Variants in COL21A1 observed in about 807,000 individuals in gnomAD.
The protein encoded by COL21A1 is collagen alpha-1(XXI) chain.
In COL21A1, 149 loss-of-function variants were observed where a neutral mutation model predicts 137.9. The observed-to-expected ratio is 1.08, with a 90% CI of 0.95 to 1.24. COL21A1 has a LOEUF of 1.24. Ranked by LOEUF, COL21A1 falls within the 50% of genes most tolerant of loss-of-function variation. COL21A1 has a pLI of 0.00. For synonymous variants in COL21A1, 456 were observed against 391.5 expected (o/e 1.16, Z -1.95); for missense variants, 1,167 against 1,158.4 (o/e 1.01, Z -0.11).
rs1763726744 is a variant in COL21A1 at position 56,278,744 on chromosome 6, C to T, written c.-38-96088G>A. 3.9e-5 allele frequency among the ~76,000 whole-genome samples: 6 copies of T among 152,260 alleles called. No individual in the cohort carries two copies. In the South Asian group the frequency reaches 1.2e-3, roughly 32 times the overall value. ...TGGCAGCAATTTCCCCATGTCACAC[C>T]GATTGGTGGTGAATGATTGAACCTG... On this transcript the variant is annotated intron_variant, in intron 1 of 28. Transcript: ENST00000370819.
chr6:56,064,999 T>C (rs1766117082), intron 23 of COL21A1, among the ~76,000 whole-genome samples: 1 of 152,008 alleles, frequency 6.6e-6, no homozygotes. Context: ...ACTATGGACA[T>C]GTGAGGACAA....
intron 1 of COL21A1, among the ~76,000 whole-genome samples, chr6:56,278,986 T>C (rs557482686): frequency 6.6e-6 from 1 of 152,304 alleles, no homozygotes; most frequent in South Asian, 2.1e-4. Context: ...TTGTGATATG[T>C]TTGGATCTGT....
intron 17 of COL21A1, among the ~76,000 whole-genome samples, chr6:56,084,707 A>G (rs754213324): frequency 7.2e-5 from 11 of 152,100 alleles, no homozygotes; most frequent in Non-Finnish European, 1.3e-4. Flanking sequence ...TCTAAGAGTT[A>G]TTTTCCTCAC....
chr6:56,190,031 A>C (rs575947723), intron 1 of COL21A1, among the ~76,000 whole-genome samples: 7 of 152,348 alleles, frequency 4.6e-5, no homozygotes, highest in East Asian at 3.9e-4. Context: ...AATTGTAAAG[A>C]CCATCGACAC....
chr6:56,146,077 A>C (rs551532112), intron 10 of COL21A1, among the ~76,000 whole-genome samples: 1 of 152,178 alleles, frequency 6.6e-6, no homozygotes, highest in African/African-American at 2.4e-5. Flanking sequence ...ATATTCTGCC[A>C]ATCTAAATAT....
chr6:56,225,367 A>G (rs1781121197), intron 1 of COL21A1, among the ~76,000 whole-genome samples: 1 of 152,048 alleles, frequency 6.6e-6, no homozygotes, highest in Admixed American at 6.6e-5. Flanking sequence ...AAAATTTCTG[A>G]ACTCTTTTAG....
intron 1 of COL21A1, among the ~76,000 whole-genome samples, chr6:56,261,943 C>A (rs77183254): frequency 0.029 from 4,434 of 152,206 alleles, 215 homozygotes; most frequent in African/African-American, 0.1. Context: ...ACACATGTCA[C>A]TTTCTCCACA....
Position 56,077,138 on chromosome 6 carries a change from T to G in COL21A1, c.1857+391A>C, listed in dbSNP as rs562688956. Among the ~76,000 whole-genome samples the G allele has an allele frequency of 7.3e-5, 11 of 151,400 alleles. No individual in the cohort carries two copies. The South Asian group carries it at 2.1e-3, about 29-fold the overall frequency. On this transcript the variant is annotated intron_variant, in intron 18 of 29. Coordinates refer to ENST00000244728, the MANE Select transcript of COL21A1 (RefSeq NM_030820.4). ...AGTTGTATAGTCTACAAAACTGTCC[T>G]TCAAAACAAGAGCAAAATAAAGAAG...
At position 56,069,151 on chromosome 6, in the gene COL21A1, A is replaced by G; in HGVS notation, c.2020-34T>C. On this transcript the variant is annotated intron_variant, in intron 21 of 29. Transcript: ENST00000244728. ...CACAGAAATTCCAGAAAGATCACAG[A>G]TCTACTGCTTATGAAAAGCACCACT... is the stretch of plus-strand genomic sequence containing the variant. The G allele has an allele frequency of 4.2e-6, 6 of 1,417,366 alleles. 1 individual carries two copies. In the South Asian group the frequency reaches 7.7e-5, roughly 18 times the overall value. The allele number at this position is 1,417,366 out of a possible 1,614,324, so 87.8% of individuals were successfully genotyped here.
intron 17 of COL21A1, among the ~76,000 whole-genome samples, chr6:56,088,655 A>C (rs1035714198): frequency 6.6e-6 from 1 of 152,134 alleles, no homozygotes; most frequent in African/African-American, 2.4e-5. Flanking sequence ...TTTTCTTATA[A>C]TGTCACAACT....
chr6:56,384,914 T>C (rs931407634), intron 1 of COL21A1, among the ~76,000 whole-genome samples: 1 of 152,108 alleles, frequency 6.6e-6, no homozygotes, highest in Non-Finnish European at 1.5e-5. Context: ...CAGGAGAACA[T>C]AATCAGCACA....
rs145678943 is a variant in COL21A1 at position 56,271,087 on chromosome 6, G to A, written c.-38-88431C>T. 1.0e-3 allele frequency among the ~76,000 whole-genome samples: 152 copies of A among 152,274 alleles called. 3 individuals carry two copies. In the East Asian group the frequency reaches 0.027, roughly 27 times the overall value. On this transcript the variant is annotated intron_variant, in intron 1 of 28. Transcript: ENST00000370819. ...AAGAGGTTGGAACAGTTTGGATGGC[G>A]CAGAAGAAGACAGTAAGATGAGGGA...
chr6:56,132,046 G>T (rs1773595981), intron 12 of COL21A1, among the ~76,000 whole-genome samples: 1 of 150,464 alleles, frequency 6.6e-6, no homozygotes, highest in African/African-American at 2.4e-5. Context: ...TAAGAGAAAT[G>T]AATTCACTTG....
At chr6:56,187,956 C>T (rs979887767) in intron 1 of COL21A1, among the ~76,000 whole-genome samples, 24 of 152,056 alleles carry the variant, frequency 1.6e-4, no homozygotes, top group Non-Finnish European at 2.8e-4. Context: ...AAAAACAACA[C>T]AATTTTTTTA....
chr6:56,107,029 C>T (rs1428404321), intron 16 of COL21A1, among the ~76,000 whole-genome samples: 2 of 152,160 alleles, frequency 1.3e-5, no homozygotes, highest in African/African-American at 4.8e-5. Context: ...CCTCATGATC[C>T]ACCCACCTCG....
chr6:56,366,560 A>T (rs936963688), intron 1 of COL21A1, among the ~76,000 whole-genome samples: 8 of 152,214 alleles, frequency 5.3e-5, no homozygotes, highest in Admixed American at 4.6e-4. Context: ...TGTCATGTAA[A>T]GTCATATTTC....
intron 22 of COL21A1, among the ~76,000 whole-genome samples, chr6:56,067,619 T>C (rs1291769951): frequency 3.3e-5 from 5 of 151,802 alleles, no homozygotes; most frequent in Non-Finnish European, 7.4e-5. Flanking sequence ...TTCACAGTTT[T>C]AGGTTAGACA....
chr6:56,185,149 A>T (rs1778181979), intron 1 of COL21A1, among the ~76,000 whole-genome samples: 1 of 151,952 alleles, frequency 6.6e-6, no homozygotes, highest in Non-Finnish European at 1.5e-5. Flanking sequence ...CTTCCACCTT[A>T]AGAAGCTAGA....
intron 17 of COL21A1, among the ~76,000 whole-genome samples, chr6:56,094,206 T>C (rs1488111547): frequency 6.6e-6 from 1 of 152,162 alleles, no homozygotes; most frequent in Admixed American, 6.6e-5. Context: ...GTCAGCTAAA[T>C]ATACAAGTTC....
Sources: gnomAD v4.1 joint callset for allele counts (sites outside exome capture counted in the v4.1 genomes callset) on GRCh38, gnomAD v4.1.1 for gene constraint, MANE v1.5 for transcripts, NCBI Gene and HGNC (gene_info 2026-07-23, HGNC 2026-07-21) for gene names.